MDGA2: variants seen among roughly 807,000 people sequenced by gnomAD.
MDGA2 encodes the protein MAM domain containing glycosylphosphatidylinositol anchor 2.
MDGA2 carries 40 observed loss-of-function variants against 117.8 expected under a neutral mutation model. The observed-to-expected ratio is 0.34, with a 90% CI of 0.26 to 0.44. The LOEUF (loss-of-function observed/expected upper bound fraction) is 0.44. Ranked by LOEUF, MDGA2 falls within the 20% of genes least tolerant of loss-of-function variation. MDGA2 has a pLI of 1.00. For missense variants in MDGA2, 1,123 were observed against 1,250.6 expected (o/e 0.90, Z 1.54); for synonymous variants, 452 against 439.0 (o/e 1.03, Z -0.37).
chr14:47,398,108 T>A (rs559393155), intron 1 of MDGA2, among the ~76,000 whole-genome samples: 8 of 152,148 alleles, frequency 5.3e-5, no homozygotes, highest in Non-Finnish European at 1.2e-4. Flanking sequence ...ATGATTGGTG[T>A]CTGGTCCAGG....
intron 1 of MDGA2, among the ~76,000 whole-genome samples, chr14:47,588,542 T>C (rs888892966): frequency 2.6e-5 from 4 of 151,982 alleles, no homozygotes; most frequent in Admixed American, 2.6e-4. Context: ...TTGAAGAAGA[T>C]AGTCAAATTC....
intron 7 of MDGA2, among the ~76,000 whole-genome samples, chr14:47,051,067 T>C (rs1156777303): frequency 6.6e-6 from 1 of 151,958 alleles, no homozygotes; most frequent in East Asian, 1.9e-4. Context: ...TGACTGAATA[T>C]TTGAAATGCC....
chr14:47,053,784 T>G (rs1471852186), intron 7 of MDGA2, among the ~76,000 whole-genome samples: 1 of 151,688 alleles, frequency 6.6e-6, no homozygotes, highest in East Asian at 1.9e-4. Context: ...CTGATTGAAG[T>G]TGAAAAGGGA....
chr14:47,038,438 ATGT>A (rs1419240286), intron 7 of MDGA2, among the ~76,000 whole-genome samples: 1 of 152,166 alleles, frequency 6.6e-6, no homozygotes, highest in East Asian at 1.9e-4. Flanking sequence ...ATTTTTTTAA[ATGT>A]TATCATGCTA....
At chr14:47,624,864 A>T (rs1897112966) in intron 1 of MDGA2, among the ~76,000 whole-genome samples, 1 of 152,232 alleles carries the variant, frequency 6.6e-6, no homozygotes, top group Non-Finnish European at 1.5e-5. Context: ...AAACTCTGCA[A>T]ATGCAGGATA....
chr14:46,958,425 G>T lies in MDGA2; in HGVS notation c.1820-782C>A, dbSNP rs370908214. Among the ~76,000 whole-genome samples, 30 of 152,318 alleles carry T rather than the reference G, an allele frequency of 2.0e-4. 1 individual carries two copies. The highest frequency in any genetic ancestry group is 7.0e-4 in the African/African-American group (29 of 41,574). ...TCAAGGAATGCATTTTCTTGGTATT[G>T]AGGAGGTCTTCTAAAATTTTTAAAT... is the stretch of plus-strand genomic sequence containing the variant. On this transcript the variant is annotated intron_variant, in intron 8 of 16. Coordinates refer to ENST00000399232, the MANE Select transcript of MDGA2 (RefSeq NM_001113498.3).
intron 5 of MDGA2, among the ~76,000 whole-genome samples, chr14:47,126,437 T>C (rs1040058557): frequency 5.9e-5 from 9 of 152,252 alleles, no homozygotes; most frequent in Admixed American, 2.0e-4. Flanking sequence ...ATGACACTTC[T>C]GTGGCAGGAG....
chr14:47,083,774 A>C (rs1890792870), intron 6 of MDGA2, among the ~76,000 whole-genome samples: 1 of 152,144 alleles, frequency 6.6e-6, no homozygotes, highest in Non-Finnish European at 1.5e-5. Context: ...AAAAGTAAGC[A>C]GGGTGGCTAG....
chr14:47,638,989 C>T (rs759143434), intron 1 of MDGA2, among the ~76,000 whole-genome samples: 2 of 152,132 alleles, frequency 1.3e-5, no homozygotes, highest in Non-Finnish European at 2.9e-5. Context: ...TCTTGGCAGT[C>T]AGCATTTCCT....
chr14:47,226,273 T>C (rs1886499707), intron 2 of MDGA2, among the ~76,000 whole-genome samples: 1 of 150,604 alleles, frequency 6.6e-6, no homozygotes, highest in Non-Finnish European at 1.5e-5. Context: ...GGGAGGAGTC[T>C]GAAGAACAAG....
intron 8 of MDGA2, among the ~76,000 whole-genome samples, chr14:46,966,104 T>C (rs1886020750): frequency 6.6e-6 from 1 of 152,138 alleles, no homozygotes; most frequent in Non-Finnish European, 1.5e-5. Flanking sequence ...ATAAAGATTA[T>C]ATTTCTTGAC....
chr14:47,672,411 A>C (rs1301159136), intron 1 of MDGA2, among the ~76,000 whole-genome samples: 1 of 152,202 alleles, frequency 6.6e-6, no homozygotes, highest in Non-Finnish European at 1.5e-5. Context: ...ATTTTAATGC[A>C]ATTGTTTCCT....
chr14:46,844,307 CA>C (rs1361980862), intron 16 of MDGA2, among the ~76,000 whole-genome samples: 1 of 152,152 alleles, frequency 6.6e-6, no homozygotes, highest in Non-Finnish European at 1.5e-5. Flanking sequence ...AGGCCAGGCA[CA>C]GTGGCTCACG....
intron 3 of MDGA2, among the ~76,000 whole-genome samples, chr14:47,170,457 G>A (rs1436826898): frequency 6.6e-6 from 1 of 152,062 alleles, no homozygotes; most frequent in Non-Finnish European, 1.5e-5. Flanking sequence ...CTTTGACAAA[G>A]GTGCTATCAT....
At chr14:47,582,328 T>C (rs1896244076) in intron 1 of MDGA2, among the ~76,000 whole-genome samples, 1 of 151,862 alleles carries the variant, frequency 6.6e-6, no homozygotes, top group South Asian at 2.1e-4. Flanking sequence ...TCATAAAACA[T>C]GCAACAGCAA....
intron 8 of MDGA2, among the ~76,000 whole-genome samples, chr14:46,997,700 G>A (rs1594509798): frequency 6.6e-6 from 1 of 152,072 alleles, no homozygotes; most frequent in Non-Finnish European, 1.5e-5. Context: ...GGAACATAAG[G>A]TTCTGGAGAG....
chr14:47,408,157 G>A (rs1892299394), intron 1 of MDGA2, among the ~76,000 whole-genome samples: 1 of 147,026 alleles, frequency 6.8e-6, no homozygotes, highest in Admixed American at 7.1e-5. Context: ...CCGGGTTCAA[G>A]CAATTCTCCT....
Position 46,957,502 on chromosome 14 carries a change from G to A in MDGA2, c.1961C>T (p.Thr654Met), listed in dbSNP as rs758142772. ...GTATTCCTGAGAGTCAAATTGACCC[G>A]TCCGTAATAATTTATTGCCCAAGCG... is the stretch of plus-strand genomic sequence containing the variant. ...EWRLGNKLLRTGQFDSQEYTE... is the reference protein window; with the variant it reads ...EWRLGNKLLRMGQFDSQEYTE... The change falls in exon 9 of 17, where the codon ACG becomes ATG. Residue 654 changes from threonine to methionine, a missense_variant. By Grantham distance (81) the Thr-to-Met change is moderately conservative (BLOSUM62 -1). Coordinates refer to ENST00000399232, the MANE Select transcript of MDGA2 (RefSeq NM_001113498.3). 35 of 1,613,896 alleles carry A rather than the reference G, an allele frequency of 2.2e-5. No individual in the cohort carries two copies. The highest frequency in any genetic ancestry group is 6.7e-5 in the Admixed American group (4 of 59,980).
At chr14:47,110,525 G>C (rs962072952) in intron 5 of MDGA2, among the ~76,000 whole-genome samples, 1 of 152,106 alleles carries the variant, frequency 6.6e-6, no homozygotes, top group Non-Finnish European at 1.5e-5. Context: ...GTCTGAAAAA[G>C]ATTAGTTTTC....
Sources: gnomAD v4.1 joint callset for allele counts (sites outside exome capture counted in the v4.1 genomes callset) on GRCh38, gnomAD v4.1.1 for gene constraint, MANE v1.5 for transcripts, NCBI Gene and HGNC (gene_info 2026-07-23, HGNC 2026-07-21) for gene names.